Variants in EXTL3 observed in about 807,000 individuals in gnomAD.
EXTL3 encodes the protein exostosin-like 3.
EXTL3 carries 27 observed loss-of-function variants against 69.3 expected under a neutral mutation model. The observed-to-expected ratio is 0.39, with a 90% CI of 0.29 to 0.54. The LOEUF (loss-of-function observed/expected upper bound fraction) is 0.54, where lower values mean the gene tolerates loss of function less well. EXTL3 is among the 20% of genes least tolerant of loss of function. The pLI is 0.69. For synonymous variants in EXTL3, 511 were observed against 499.4 expected, an observed-to-expected ratio of 1.02 and a Z score of -0.31; for missense variants, 1,003 against 1,231.8, an observed-to-expected ratio of 0.81 and a Z score of 2.78.
intron 1 of EXTL3, among the ~76,000 whole-genome samples, chr8:28,680,221 A>G (rs1452681514): frequency 1.3e-5 from 2 of 151,986 alleles, no homozygotes; most frequent in Non-Finnish European, 1.5e-5. Flanking sequence ...GTGAAGCCCC[A>G]TCTCTACAAA....
At chr8:28,724,852 G>GTCGCTCACCTCCCTCCCA (rs893618859) in intron 3 of EXTL3, among the ~76,000 whole-genome samples, 6 of 151,936 alleles carry the variant, frequency 3.9e-5, no homozygotes, top group African/African-American at 7.2e-5. Flanking sequence ...TCTTCTCTCT[G>GTCGCTCACCTCCCTCCCA]TCGCTCACCT....
upstream of EXTL3, among the ~76,000 whole-genome samples, chr8:28,621,753 C>T (rs1585217567): frequency 6.6e-6 from 1 of 152,156 alleles, no homozygotes; most frequent in Admixed American, 6.5e-5. Context: ...AATAAAGAAC[C>T]TTAAGACGCA....
intron 1 of EXTL3, among the ~76,000 whole-genome samples, chr8:28,660,617 C>G (rs189815): frequency 0.69 from 104,298 of 151,952 alleles, 36,848 homozygotes; most frequent in African/African-American, 0.86. Context: ...CATTCATAAT[C>G]TTGTGCAACC....
At chr8:28,710,268 GAGTC>G in intron 1 of EXTL3, 1 of 328,378 alleles carries the variant, frequency 3.0e-6, no homozygotes. Context: ...GTAAATTTGA[GAGTC>G]AGCCAATCAG....
intron 1 of EXTL3, among the ~76,000 whole-genome samples, chr8:28,665,840 A>G (rs1409114470): frequency 6.6e-6 from 1 of 152,212 alleles, no homozygotes; most frequent in African/African-American, 2.4e-5. Flanking sequence ...GCTGGAGGGC[A>G]AAAGCTGAAT....
upstream of EXTL3, among the ~76,000 whole-genome samples, chr8:28,621,703 G>C (rs1806411158): frequency 6.6e-6 from 1 of 152,176 alleles, no homozygotes; most frequent in Non-Finnish European, 1.5e-5. Context: ...ATTAGGATTA[G>C]TCCCAACCAC....
intron 3 of EXTL3, among the ~76,000 whole-genome samples, chr8:28,725,974 G>A (rs1801403733): frequency 7.2e-6 from 1 of 138,970 alleles, no homozygotes; most frequent in Non-Finnish European, 1.5e-5. Context: ...TTTTTTTTCC[G>A]AGATGGAGTC....
At chr8:28,743,647 C>T (rs961244873) in intron 6 of EXTL3, among the ~76,000 whole-genome samples, 14 of 152,140 alleles carry the variant, frequency 9.2e-5, no homozygotes, top group African/African-American at 2.9e-4. Context: ...TTTGAATTCA[C>T]GGCAGTTACT....
chr8:28,678,573 G>A (rs536932878), intron 1 of EXTL3, among the ~76,000 whole-genome samples: 1 of 152,234 alleles, frequency 6.6e-6, no homozygotes, highest in East Asian at 1.9e-4. Context: ...TCCCCCATGA[G>A]TGAAAGCAGC....
intron 1 of EXTL3, among the ~76,000 whole-genome samples, chr8:28,706,558 A>G (rs1051324441): frequency 8.5e-5 from 13 of 152,344 alleles, no homozygotes; most frequent in African/African-American, 3.1e-4. Flanking sequence ...CCAATTTGCA[A>G]TCCCAGCAGC....
In EXTL3 at chr8:28,751,167, GTTCGTGGTTTTTACA is replaced by G. The variant is rs1264085564; in HGVS notation, c.*305_*319del. ...ACCGTTCGTACGCCCAGGACAGCTG[GTTCGTGGTTTTTACA>G]TTCAATAACAACTATTATGATTATT... is the stretch of plus-strand genomic sequence containing the variant. On this transcript the variant is annotated 3_prime_UTR_variant, in exon 7 of 7. Coordinates refer to ENST00000220562, the MANE Select transcript of EXTL3 (RefSeq NM_001440.4). The G allele has an allele frequency of 7.1e-6, 3 of 423,394 alleles. No homozygotes were observed. The East Asian group carries it at 1.2e-4, about 17-fold the overall frequency. 26.2% of individuals were successfully genotyped at this position (423,394 alleles called of 1,614,324 possible). A position where few individuals can be genotyped will look rare whatever the true frequency, so the allele number is the denominator to read the frequency against.
At chr8:28,681,829 G>A (rs897656580) in intron 1 of EXTL3, among the ~76,000 whole-genome samples, 5 of 152,080 alleles carry the variant, frequency 3.3e-5, no homozygotes, top group Non-Finnish European at 7.4e-5. Flanking sequence ...TGAGGCAGGC[G>A]GATTACCAGA....
intron 6 of EXTL3, among the ~76,000 whole-genome samples, chr8:28,749,518 A>G (rs1801959717): frequency 6.6e-6 from 1 of 152,124 alleles, no homozygotes; most frequent in Non-Finnish European, 1.5e-5. Context: ...AGTGTTTCCA[A>G]AGGCCCCCAG....
intron 3 of EXTL3, among the ~76,000 whole-genome samples, chr8:28,725,360 CAA>C (rs2130759294): frequency 6.6e-6 from 1 of 152,196 alleles, no homozygotes; most frequent in East Asian, 1.9e-4. Flanking sequence ...ACAGGCCAAG[CAA>C]AGAGTGGGCA....
Position 28,743,252 on chromosome 8 carries a change from A to C in EXTL3, c.2550+38A>C, listed in dbSNP as rs758087395. 3.1e-6 allele frequency: 5 copies of C among 1,613,544 alleles called. No homozygotes were observed. In the Admixed American group the frequency reaches 8.3e-5, roughly 27 times the overall value. ...CACTGGTGGGGCTGTGGATGCGTGCATGTTTACTTCACTTGTTTTGCAGTA... is the reference window on the plus strand; with the variant it reads ...CACTGGTGGGGCTGTGGATGCGTGCCTGTTTACTTCACTTGTTTTGCAGTA... On this transcript the variant is annotated intron_variant, in intron 6 of 6. Transcript: ENST00000220562.
chr8:28,651,334 GT>G (rs927603780), intron 1 of EXTL3, among the ~76,000 whole-genome samples: 13 of 152,024 alleles, frequency 8.6e-5, no homozygotes, highest in African/African-American at 2.7e-4. Context: ...AGTTTCTTCT[GT>G]TTTTTTCAAA....
intron 1 of EXTL3, among the ~76,000 whole-genome samples, chr8:28,679,461 A>G (rs111441821): frequency 0.016 from 2,503 of 152,042 alleles, 78 homozygotes; most frequent in African/African-American, 0.057. Context: ...AAGAATGTCC[A>G]GTCTGGTGGC....
At chr8:28,727,499 A>T (rs1801438922) in intron 3 of EXTL3, among the ~76,000 whole-genome samples, 2 of 152,196 alleles carry the variant, frequency 1.3e-5, no homozygotes, top group South Asian at 4.1e-4. Flanking sequence ...TGTAAATTAG[A>T]TAATTTTGGA....
intron 1 of EXTL3, among the ~76,000 whole-genome samples, chr8:28,711,060 T>C (rs938520237): frequency 1.3e-5 from 2 of 152,248 alleles, no homozygotes; most frequent in African/African-American, 4.8e-5. Flanking sequence ...TTAATAGTTA[T>C]AAAACTAATT....
Sources: allele counts gnomAD v4.1 joint callset (sites outside exome capture counted in the v4.1 genomes callset), GRCh38; gene constraint gnomAD v4.1.1; transcripts MANE v1.5; gene names NCBI Gene and HGNC (gene_info 2026-07-23, HGNC 2026-07-21).